Variants in ARNT observed in about 807,000 individuals in gnomAD.
ARNT encodes class E basic helix-loop-helix protein 2.
In ARNT, 30 loss-of-function variants were observed where a neutral mutation model predicts 105.0. The ratio of observed to expected loss-of-function variants is 0.29; its 90% CI spans 0.21 to 0.39. The LOEUF is 0.39. Among genes scored for constraint, ARNT ranks in the 10% least tolerant of loss-of-function variants. ARNT has a pLI of 1.00. For synonymous variants in ARNT, 304 were observed against 344.0 expected (o/e 0.88, Z 1.29); for missense variants, 748 against 978.7 (o/e 0.76, Z 3.15).
chr1:150,826,060 T>C (rs963578346), intron 13 of ARNT, among the ~76,000 whole-genome samples: 1 of 152,124 alleles, frequency 6.6e-6, no homozygotes, highest in Non-Finnish European at 1.5e-5. Flanking sequence ...ATTACAGGCA[T>C]GCACCACCAT....
intron 3 of ARNT, among the ~76,000 whole-genome samples, chr1:150,851,986 T>G (rs1663685476): frequency 6.6e-6 from 1 of 151,276 alleles, no homozygotes; most frequent in African/African-American, 2.4e-5. Context: ...AGGCGGAGGT[T>G]GCAGTGAGCC....
intron 12 of ARNT, 32 bp from the exon 13 acceptor site, chr1:150,826,649 C>CTT: frequency 2.7e-4 from 317 of 1,185,196 alleles, no homozygotes; most frequent in Middle Eastern, 5.5e-4. Flanking sequence ...AAGATATATA[C>CTT]TTTTTTTTTT....
chr1:150,862,645 G>T (rs1393534604), intron 1 of ARNT, among the ~76,000 whole-genome samples: 1 of 143,646 alleles, frequency 7.0e-6, no homozygotes, highest in African/African-American at 2.6e-5. Flanking sequence ...GGAGGTCAAG[G>T]CATGAGGATT....
rs587724857 is a variant in ARNT, at chr1:150,816,024, A to G, written c.1950+235T>C. Among the ~76,000 whole-genome samples the G allele has an allele frequency of 3.9e-5, 6 of 152,320 alleles. No homozygotes were observed. The East Asian group carries it at 1.2e-3, about 29-fold the overall frequency. ...CAAATCTGAAAATCAGACGTGCTCAAAACGTTCCAAGTGAGCAATTCTGAT... is the reference window on the plus strand; with the variant it reads ...CAAATCTGAAAATCAGACGTGCTCAGAACGTTCCAAGTGAGCAATTCTGAT... On this transcript the variant is annotated intron_variant, in intron 19 of 21. Transcript: ENST00000358595.
chr1:150,860,006 A>T (rs939273476), intron 1 of ARNT, among the ~76,000 whole-genome samples: 64 of 140,154 alleles, frequency 4.6e-4, no homozygotes, highest in African/African-American at 1.5e-3. Flanking sequence ...GATCCTGTCT[A>T]AAAAAAAAAA....
At chr1:150,816,939 T>TA in intron 17 of ARNT, 49 bp from the exon 18 acceptor site, 2 of 1,599,826 alleles carry the variant, frequency 1.3e-6, no homozygotes. Context: ...GGCTGTAGTA[T>TA]ATTAGTTCAG....
chr1:150,834,745 A>C, intron 7 of ARNT, 105 bp from the exon 8 acceptor site: 1 of 954,138 alleles, frequency 1.0e-6, no homozygotes, highest in Non-Finnish European at 1.6e-6. Context: ...TCATGCCCTT[A>C]ATCTCCTTGC....
At chr1:150,851,453 T>C (rs1187177240) in intron 3 of ARNT, among the ~76,000 whole-genome samples, 2 of 152,200 alleles carry the variant, frequency 1.3e-5, no homozygotes, top group East Asian at 1.9e-4. Flanking sequence ...AGAAATCAGA[T>C]TGTTGCTGTG....
In ARNT at chr1:150,809,794, G is replaced by A. The variant is rs1342719792; in HGVS notation, c.*2227C>T. ...TGTGCCCTAGTGGTTTTCAAGTCCC[G>A]ACTCTTCCCCTCTCTCCCAAGAACC... On this transcript the variant is annotated 3_prime_UTR_variant, in exon 22 of 22. Transcript: ENST00000358595. 4 of 220,156 alleles carry A rather than the reference G, an allele frequency of 1.8e-5. No individual in the cohort carries two copies. Among genetic ancestry groups the A allele is most frequent in the African/African-American group, 4.5e-5 (2 of 44,544 alleles). 13.6% of individuals were successfully genotyped at this position (220,156 alleles called of 1,614,324 possible).
At chr1:150,834,757 TATAAC>T (rs1438954693) in intron 7 of ARNT, 117 bp from the exon 8 acceptor site, 26 of 851,090 alleles carry the variant, frequency 3.1e-5, no homozygotes, top group Non-Finnish European at 3.0e-5. Flanking sequence ...TCTCCTTGCT[TATAAC>T]AGAACTGACC....
intron 15 of ARNT, among the ~76,000 whole-genome samples, chr1:150,817,684 C>G (rs1324533842): frequency 6.6e-6 from 1 of 151,918 alleles, no homozygotes; most frequent in Non-Finnish European, 1.5e-5. Context: ...TGGCAGGCAC[C>G]TGTAATCCCA....
At chr1:150,876,599 C>CA, upstream of ARNT, 2 of 1,536,774 alleles carry the variant, frequency 1.3e-6, no homozygotes, top group Non-Finnish European at 1.8e-6. Flanking sequence ...CGCGCCACCC[C>CA]CCCCCCCAGT....
chr1:150,876,422 G>T, intron 1 of ARNT, 121 bp downstream of exon 1: 1 of 1,389,266 alleles, frequency 7.2e-7, no homozygotes, highest in East Asian at 3.1e-5. Context: ...CGTCTCTCGC[G>T]GCCCCCGCCC....
intron 7 of ARNT, 173 bp from the exon 8 acceptor site, chr1:150,834,813 A>G (rs1011755279): frequency 3.8e-6 from 2 of 521,204 alleles, no homozygotes; most frequent in South Asian, 4.5e-5. Flanking sequence ...AAATACTTCA[A>G]TTATCATCAA....
chr1:150,858,503 C>A, intron 1 of ARNT, 43 bp from the exon 2 acceptor site: 1 of 1,421,082 alleles, frequency 7.0e-7, no homozygotes. Context: ...AAAAGACAGT[C>A]CTTGCTTATC....
chr1:150,809,852 T>C lies in ARNT; in HGVS notation c.*2169A>G, dbSNP rs1043256312. 2.7e-5 allele frequency: 6 copies of C among 222,342 alleles called. No individual in the cohort carries two copies. The highest frequency in any genetic ancestry group is 1.1e-4 in the African/African-American group (5 of 44,648). 13.8% of individuals were successfully genotyped at this position (222,342 alleles called of 1,614,324 possible). A position where few individuals can be genotyped will look rare whatever the true frequency, so the allele number is the denominator to read the frequency against. The stretch of plus-strand genomic sequence containing the variant: ...CGCCCACCCCAAAACCCCCACCTCA[T>C]GGTCAGAGCATTCCTGCTGATGTTA... On this transcript the variant is annotated 3_prime_UTR_variant, in exon 22 of 22. Coordinates refer to ENST00000358595, the MANE Select transcript of ARNT (RefSeq NM_001668.4).
chr1:150,858,190 T>C lies in ARNT; in HGVS notation c.137+159A>G, dbSNP rs1571449002. 2.6e-5 allele frequency among the ~76,000 whole-genome samples: 4 copies of C among 152,272 alleles called. No individual in the cohort carries two copies. In the South Asian group the frequency reaches 8.3e-4, roughly 32 times the overall value. ...AAAACAAATTCTTCATAAACAAAAA[T>C]ACAGGGACTAAGGAGACTTATATGA... On this transcript the variant is annotated intron_variant, in intron 2 of 21. Coordinates refer to ENST00000358595, the MANE Select transcript of ARNT (RefSeq NM_001668.4).
intron 8 of ARNT, among the ~76,000 whole-genome samples, chr1:150,833,790 A>G (rs1469840024): frequency 6.6e-6 from 1 of 152,132 alleles, no homozygotes; most frequent in Non-Finnish European, 1.5e-5. Context: ...CCAAAAAAAA[A>G]AAGAAGAAAT....
intron 1 of ARNT, among the ~76,000 whole-genome samples, chr1:150,867,835 C>T (rs587634606): frequency 6.6e-6 from 1 of 152,136 alleles, no homozygotes; most frequent in East Asian, 1.9e-4. Flanking sequence ...GCACCTTCCC[C>T]TTCTCTCCCT....
Sources: allele counts gnomAD v4.1 joint callset (sites outside exome capture counted in the v4.1 genomes callset), GRCh38; gene constraint gnomAD v4.1.1; transcripts MANE v1.5; gene names NCBI Gene and HGNC (gene_info 2026-07-23, HGNC 2026-07-21).